PTP4A2: variants seen among roughly 807,000 people sequenced by gnomAD.
PTP4A2 encodes the protein protein tyrosine phosphatase type IVA 2.
PTP4A2 carries 2 observed loss-of-function variants against 22.9 expected under a neutral mutation model. The ratio of observed to expected loss-of-function variants is 0.09; its 90% CI spans 0.04 to 0.27. PTP4A2 has a LOEUF of 0.27. Among genes scored for constraint, PTP4A2 ranks in the 10% least tolerant of loss-of-function variants. The pLI, the probability that PTP4A2 is intolerant of heterozygous loss-of-function variation, is 1.00. For synonymous variants in PTP4A2, 68 were observed against 69.1 expected (o/e 0.98, Z 0.08); for missense variants, 103 against 205.1 (o/e 0.50, Z 3.04).
At position 31,907,727 on chromosome 1, in the gene PTP4A2, C is replaced by G. The variant is rs1651254877; in HGVS notation, c.*1125G>C. On this transcript the variant is annotated 3_prime_UTR_variant, in exon 6 of 6. Transcript: ENST00000647444. The stretch of plus-strand genomic sequence containing the variant: ...GCTCCTTTGACGGTTCCTGAAAATT[C>G]AGAGTACAAGTCCTAAAATAAAAAT... 6.6e-6 allele frequency: 1 copy of G among 152,084 alleles called. No individual in the cohort carries two copies. Among genetic ancestry groups the G allele is most frequent in the Non-Finnish European group, 1.5e-5 (1 of 68,026 alleles). 9.4% of individuals were successfully genotyped at this position (152,084 alleles called of 1,614,324 possible). A position where few individuals can be genotyped will look rare whatever the true frequency, so the allele number is the denominator to read the frequency against.
intron 1 of PTP4A2, among the ~76,000 whole-genome samples, chr1:31,922,620 TTCTTTC>T (rs1465668459): frequency 2.0e-5 from 3 of 149,530 alleles, no homozygotes; most frequent in Non-Finnish European, 3.0e-5. Flanking sequence ...CTTTCTTTCT[TTCTTTC>T]TTTCTTTCTT....
chr1:31,926,182 T>C (rs915584433), intron 1 of PTP4A2, among the ~76,000 whole-genome samples: 29 of 148,150 alleles, frequency 2.0e-4, no homozygotes, highest in African/African-American at 6.9e-4. Flanking sequence ...ATCTCTCCTA[T>C]CAATCCACTC....
rs1226823698 is a variant in PTP4A2 at position 31,906,575 on chromosome 1, A to G, written c.*2277T>C. The G allele has an allele frequency of 9.2e-5, 14 of 152,170 alleles. No homozygotes were observed. Among genetic ancestry groups the G allele is most frequent in the Admixed American group, 6.5e-4 (10 of 15,278 alleles). 9.4% of individuals were successfully genotyped at this position (152,170 alleles called of 1,614,324 possible). A position where few individuals can be genotyped will look rare whatever the true frequency, so the allele number is the denominator to read the frequency against. Reference sequence around the variant, plus strand: ...AAATCGAAAAGAAAAAAATTGCTTTAAGGAAAAAAAATCCAGTTTTAAGAA... The same window carrying G: ...AAATCGAAAAGAAAAAAATTGCTTTGAGGAAAAAAAATCCAGTTTTAAGAA... On this transcript the variant is annotated 3_prime_UTR_variant, in exon 6 of 6. Coordinates refer to ENST00000647444, the MANE Select transcript of PTP4A2 (RefSeq NM_080391.4).
chr1:31,913,491 C>G (rs1477292637), intron 3 of PTP4A2, among the ~76,000 whole-genome samples: 2 of 152,122 alleles, frequency 1.3e-5, no homozygotes, highest in Non-Finnish European at 2.9e-5. Flanking sequence ...AATCTCCACG[C>G]TGTTTTCTAT....
intron 1 of PTP4A2, among the ~76,000 whole-genome samples, chr1:31,922,591 TTTC>T (rs1652215641): frequency 8.9e-5 from 1 of 11,298 alleles, no homozygotes; most frequent in East Asian, 2.0e-3. Flanking sequence ...GGTTTGTTTC[TTTC>T]TTTCTTTCTT....
chr1:31,934,333 T>C (rs530951512), intron 1 of PTP4A2, among the ~76,000 whole-genome samples: 1 of 152,350 alleles, frequency 6.6e-6, no homozygotes, highest in East Asian at 1.9e-4. Flanking sequence ...CCATCTTCTA[T>C]TCAACAAATA....
At chr1:31,921,034 A>T (rs1423938938) in intron 1 of PTP4A2, among the ~76,000 whole-genome samples, 1 of 152,222 alleles carries the variant, frequency 6.6e-6, no homozygotes, top group Non-Finnish European at 1.5e-5. Flanking sequence ...ACTAACTCAT[A>T]AGGCACTCTC....
At chr1:31,917,732 T>C (rs1441641131) in intron 2 of PTP4A2, among the ~76,000 whole-genome samples, 2 of 152,176 alleles carry the variant, frequency 1.3e-5, no homozygotes, top group East Asian at 1.9e-4. Context: ...TCCCAGCATT[T>C]TGGGAGGCCG....
intron 1 of PTP4A2, among the ~76,000 whole-genome samples, chr1:31,926,502 C>A (rs535822364): frequency 3.1e-4 from 47 of 152,218 alleles, no homozygotes; most frequent in Non-Finnish European, 6.2e-4. Context: ...ACAACTAACA[C>A]CTTGCAACAT....
At position 31,907,787 on chromosome 1, in the gene PTP4A2, A is replaced by C. The variant is rs1651257390; in HGVS notation, c.*1065T>G. The C allele has an allele frequency of 6.6e-6, 1 of 152,012 alleles. No individual in the cohort carries two copies. The highest frequency in any genetic ancestry group is 6.6e-5 in the Admixed American group (1 of 15,238). The allele number at this position is 152,012 out of a possible 1,614,324, so 9.4% of individuals were successfully genotyped here. The stretch of plus-strand genomic sequence containing the variant: ...CCAGCATTCTCTGATACTAGACAGA[A>C]AATCAGAGTAACGCTACAGCCCACA... On this transcript the variant is annotated 3_prime_UTR_variant, in exon 6 of 6. Transcript: ENST00000647444.
intron 1 of PTP4A2, among the ~76,000 whole-genome samples, chr1:31,927,769 C>A (rs1014320155): frequency 6.6e-6 from 1 of 152,144 alleles, no homozygotes; most frequent in East Asian, 1.9e-4. Flanking sequence ...TGAGTAACTA[C>A]AGAACTTGTG....
intron 3 of PTP4A2, chr1:31,913,800 TCAAA>T (rs1461154401): frequency 8.8e-6 from 4 of 456,072 alleles, no homozygotes; most frequent in Non-Finnish European, 1.3e-5. Context: ...CATTACTGAC[TCAAA>T]CAGACTATGG....
Position 31,907,029 on chromosome 1 carries a change from G to A in PTP4A2, c.*1823C>T, listed in dbSNP as rs1206958591. 2 of 152,184 alleles carry A rather than the reference G, an allele frequency of 1.3e-5. No individual in the cohort carries two copies. The highest frequency in any genetic ancestry group is 6.5e-5 in the Admixed American group (1 of 15,272). The allele number at this position is 152,184 out of a possible 1,614,324, so 9.4% of individuals were successfully genotyped here. A position where few individuals can be genotyped will look rare whatever the true frequency, so the allele number is the denominator to read the frequency against. On this transcript the variant is annotated 3_prime_UTR_variant, in exon 6 of 6. Transcript: ENST00000647444. ...AGCATTATTTTGTTTTGTTTTCTGG[G>A]ATGGGAGAGGAGAGAATCTACAGAT...
intron 2 of PTP4A2, among the ~76,000 whole-genome samples, chr1:31,916,345 CAAAAAAAAAAA>C (rs1167002913): frequency 0.01 from 364 of 35,466 alleles, 8 homozygotes; most frequent in African/African-American, 0.026. Context: ...ACTCCGTCTC[CAAAAAAAAAAA>C]AAAAAAAAAA....
Position 31,938,236 on chromosome 1 carries a change from G to A in PTP4A2, c.-843C>T. The A allele has an allele frequency of 1.3e-5, 2 of 153,908 alleles. No homozygotes were observed. The highest frequency in any genetic ancestry group is 6.7e-5 in the Admixed American group (1 of 14,950). The allele number at this position is 153,908 out of a possible 1,614,324, so 9.5% of individuals were successfully genotyped here. A position where few individuals can be genotyped will look rare whatever the true frequency, so the allele number is the denominator to read the frequency against. On this transcript the variant is annotated 5_prime_UTR_variant, in exon 1 of 6. Coordinates refer to ENST00000647444, the MANE Select transcript of PTP4A2 (RefSeq NM_080391.4). This position sits in a 1 kb window ranked among gnomAD's most constrained non-coding sequence, Gnocchi z 4.4. The stretch of plus-strand genomic sequence containing the variant: ...GTCTCCTGCTGCCGCCGCTGCCTCC[G>A]CTGCCGCCGCTGCCCTGTGGCGTCA...
intron 3 of PTP4A2, chr1:31,914,195 T>C (rs895909535): frequency 2.3e-6 from 1 of 439,706 alleles, no homozygotes; most frequent in Non-Finnish European, 4.6e-6. Context: ...ACCTCCCAAG[T>C]AGCTAGGACT....
Position 31,923,811 on chromosome 1 carries a change from G to A in PTP4A2, c.-593-4153C>T, listed in dbSNP as rs576628096. On this transcript the variant is annotated intron_variant, in intron 1 of 5. Coordinates refer to ENST00000647444, the MANE Select transcript of PTP4A2 (RefSeq NM_080391.4). ...CTAAAGCACAGGGATTACAGGCCTC[G>A]TGAGCCACTAAGTCCAGCCCCACAT... is the stretch of plus-strand genomic sequence containing the variant. Among the ~76,000 whole-genome samples the A allele has an allele frequency of 1.1e-3, 165 of 152,290 alleles. 1 individual carries two copies. The highest frequency in any genetic ancestry group is 3.4e-3 in the African/African-American group (142 of 41,564).
In PTP4A2 at chr1:31,907,447, G is replaced by A. The variant is rs569781433; in HGVS notation, c.*1405C>T. On this transcript the variant is annotated 3_prime_UTR_variant, in exon 6 of 6. Coordinates refer to ENST00000647444, the MANE Select transcript of PTP4A2 (RefSeq NM_080391.4). ...GAATCTGCAAAAATGCTACTACACC[G>A]CTTCACAAGCAACACAGTCCCTTCA... The A allele has an allele frequency of 5.3e-5, 8 of 152,200 alleles. No individual in the cohort carries two copies. The South Asian group carries it at 1.7e-3, about 32-fold the overall frequency. The allele number at this position is 152,200 out of a possible 1,614,324, so 9.4% of individuals were successfully genotyped here.
rs1652026902 is a variant in PTP4A2, at chr1:31,919,431, T to C, written c.-366A>G. 6.5e-6 allele frequency: 1 copy of C among 153,272 alleles called. No individual in the cohort carries two copies. Among genetic ancestry groups the C allele is most frequent in the Non-Finnish European group, 1.4e-5 (1 of 69,036 alleles). The allele number at this position is 153,272 out of a possible 1,614,324, so 9.5% of individuals were successfully genotyped here. On this transcript the variant is annotated 5_prime_UTR_variant, in exon 2 of 6. Coordinates refer to ENST00000647444, the MANE Select transcript of PTP4A2 (RefSeq NM_080391.4). The stretch of plus-strand genomic sequence containing the variant: ...ACTTTCCACTTGTTTACTTGATGCT[T>C]AATTTTACTGGAGTCATTAAAAGAA...
Sources: allele counts gnomAD v4.1 joint callset (sites outside exome capture counted in the v4.1 genomes callset), GRCh38; gene constraint gnomAD v4.1.1; non-coding constraint Gnocchi (gnomAD v3.1); transcripts MANE v1.5; gene names NCBI Gene and HGNC (gene_info 2026-07-23, HGNC 2026-07-21).